The following ZNF385D variants were observed in gnomAD, a reference collection of about 807,000 sequenced individuals.
ZNF385D encodes zinc finger protein 385D, also known as zinc finger protein 659.
A neutral mutation model predicts 35.8 loss-of-function variants in ZNF385D; 15 were observed. The observed-to-expected ratio is 0.42, with a 90% CI of 0.28 to 0.64. The LOEUF (loss-of-function observed/expected upper bound fraction) is 0.64. Ranked by LOEUF, ZNF385D falls within the 30% of genes least tolerant of loss-of-function variation. ZNF385D has a pLI of 0.23. For synonymous variants in ZNF385D, 212 were observed against 186.8 expected (o/e 1.13, Z -1.10); for missense variants, 474 against 494.6 (o/e 0.96, Z 0.39).
intron 3 of ZNF385D, chr3:22,133,728 T>C (rs1300780769): frequency 1.3e-5 from 2 of 151,846 alleles, no homozygotes; most frequent in African/African-American, 4.8e-5. Context: ...GAAGTAAGAC[T>C]ACACAGAGAC....
At chr3:21,938,887 G>A (rs1701384037) in intron 3 of ZNF385D, among the ~76,000 whole-genome samples, 1 of 152,114 alleles carries the variant, frequency 6.6e-6, no homozygotes, top group African/African-American at 2.4e-5. Flanking sequence ...TCGTTACTTT[G>A]CAATTTAGTA....
intron 3 of ZNF385D, among the ~76,000 whole-genome samples, chr3:21,874,752 T>G (rs1246715765): frequency 6.6e-6 from 1 of 152,116 alleles, no homozygotes; most frequent in Non-Finnish European, 1.5e-5. Context: ...TTTATAATTT[T>G]GATTTTCTAT....
In ZNF385D at chr3:21,424,274, A is replaced by ATTATATATATACTTATATATATATATTT. The variant is rs1312089937; in HGVS notation, c.853-238_853-211dup. Among the ~76,000 whole-genome samples the ATTATATATATACTTATATATATATATTT allele has an allele frequency of 3.0e-3, 214 of 71,486 alleles. 4 individuals are homozygous for ATTATATATATACTTATATATATATATTT. Among genetic ancestry groups the ATTATATATATACTTATATATATATATTT allele is most frequent in the Middle Eastern group, 0.015 (2 of 132 alleles). The allele number at this position is 71,486 out of a possible 152,430, so 46.9% of individuals were successfully genotyped here. A position where few individuals can be genotyped will look rare whatever the true frequency, so the allele number is the denominator to read the frequency against. On this transcript the variant is annotated intron_variant, in intron 6 of 7. Coordinates refer to ENST00000281523, the MANE Select transcript of ZNF385D (RefSeq NM_024697.3). ...CCATATATATATTCATATATATACT[A>ATTATATATATACTTATATATATATATTT]TTATATATATACTTATATATATATA...
intron 2 of ZNF385D, among the ~76,000 whole-genome samples, chr3:22,170,886 A>C (rs1263124071): frequency 6.6e-6 from 1 of 152,206 alleles, no homozygotes; most frequent in Non-Finnish European, 1.5e-5. Context: ...CATAGCCATT[A>C]AAAGCAGATC....
At chr3:21,792,186 AAGTG>A (rs1334615759) in intron 3 of ZNF385D, among the ~76,000 whole-genome samples, 1 of 152,194 alleles carries the variant, frequency 6.6e-6, no homozygotes, top group Non-Finnish European at 1.5e-5. Flanking sequence ...TCTATAAATG[AAGTG>A]ATGGGGCAGA....
intron 3 of ZNF385D, among the ~76,000 whole-genome samples, chr3:22,074,284 C>A (rs535251096): frequency 8.6e-5 from 13 of 151,960 alleles, no homozygotes; most frequent in Middle Eastern, 3.4e-3. Context: ...TTGATTATGT[C>A]GATGCAGAAA....
intron 2 of ZNF385D, among the ~76,000 whole-genome samples, chr3:22,235,041 C>T (rs1163723458): frequency 6.6e-6 from 1 of 151,974 alleles, no homozygotes; most frequent in Non-Finnish European, 1.5e-5. Flanking sequence ...CAAGTGGAGC[C>T]ACTAAGGCAC....
At chr3:21,719,542 TA>T (rs890482200) in intron 1 of ZNF385D, among the ~76,000 whole-genome samples, 5 of 152,132 alleles carry the variant, frequency 3.3e-5, no homozygotes, top group Non-Finnish European at 7.4e-5. Context: ...ATTTTAATAG[TA>T]AAAAAACACA....
intron 2 of ZNF385D, among the ~76,000 whole-genome samples, chr3:22,360,690 G>A (rs17011249): frequency 6.6e-6 from 1 of 151,914 alleles, no homozygotes; most frequent in Non-Finnish European, 1.5e-5. Flanking sequence ...TCACAGTAGA[G>A]AGCATGAAAG....
At chr3:22,349,777 A>G (rs1695832194) in intron 2 of ZNF385D, among the ~76,000 whole-genome samples, 1 of 51,332 alleles carries the variant, frequency 1.9e-5, no homozygotes, top group South Asian at 1.0e-3. Flanking sequence ...CACACTTAGC[A>G]TGAAATGAAA....
intron 2 of ZNF385D, among the ~76,000 whole-genome samples, chr3:22,317,307 G>GAAAAAAAAAAAAAAAAAAAAAA (rs1703951760): frequency 8.7e-6 from 1 of 114,756 alleles, no homozygotes. Flanking sequence ...AAAAAAAAAG[G>GAAAAAAAAAAAAAAAAAAAAAA]AAAAAATAAA....
At chr3:22,306,609 G>C (rs181691969) in intron 2 of ZNF385D, among the ~76,000 whole-genome samples, 18 of 152,080 alleles carry the variant, frequency 1.2e-4, no homozygotes, top group Non-Finnish European at 2.2e-4. Flanking sequence ...GGAAGAAGTC[G>C]CTGTAGCCAG....
chr3:21,599,641 A>T (rs977229267), intron 2 of ZNF385D, among the ~76,000 whole-genome samples: 1 of 152,212 alleles, frequency 6.6e-6, no homozygotes, highest in Non-Finnish European at 1.5e-5. Flanking sequence ...AAGCACTAGG[A>T]TATGTAGGAT....
At chr3:21,678,128 C>T (rs2066785422) in intron 1 of ZNF385D, among the ~76,000 whole-genome samples, 1 of 152,064 alleles carries the variant, frequency 6.6e-6, no homozygotes. Flanking sequence ...CCAAACCTCT[C>T]TGTAAGTCTT....
intron 2 of ZNF385D, among the ~76,000 whole-genome samples, chr3:21,610,247 G>A (rs1361283319): frequency 1.3e-5 from 2 of 152,028 alleles, no homozygotes; most frequent in Non-Finnish European, 2.9e-5. Flanking sequence ...AAACATTGTG[G>A]TGCTAACCAT....
At chr3:21,652,024 G>A (rs1235351199) in intron 2 of ZNF385D, among the ~76,000 whole-genome samples, 2 of 152,106 alleles carry the variant, frequency 1.3e-5, no homozygotes, top group African/African-American at 4.8e-5. Context: ...CATTAGAATT[G>A]ATACTCATAT....
chr3:22,209,746 A>G (rs1175025368), intron 2 of ZNF385D, among the ~76,000 whole-genome samples: 1 of 92,734 alleles, frequency 1.1e-5, no homozygotes, highest in Admixed American at 1.4e-4. Context: ...TTCATTTATG[A>G]TTTTAAAAGA....
At chr3:21,989,877 T>A (rs183427086) in intron 3 of ZNF385D, among the ~76,000 whole-genome samples, 1 of 152,300 alleles carries the variant, frequency 6.6e-6, no homozygotes, top group Non-Finnish European at 1.5e-5. Context: ...AGCCGTTGAG[T>A]GAGAATTTCT....
At chr3:21,608,640 T>C (rs2064570124) in intron 2 of ZNF385D, among the ~76,000 whole-genome samples, 1 of 152,184 alleles carries the variant, frequency 6.6e-6, no homozygotes, top group African/African-American at 2.4e-5. Flanking sequence ...ATACAAAGAG[T>C]TCAAAAAATG....
Sources: gnomAD v4.1 joint callset for allele counts (sites outside exome capture counted in the v4.1 genomes callset) on GRCh38, gnomAD v4.1.1 for gene constraint, MANE v1.5 for transcripts, NCBI Gene and HGNC (gene_info 2026-07-23, HGNC 2026-07-21) for gene names.